Variants in ARHGAP39 observed in about 807,000 individuals in gnomAD.
The protein encoded by ARHGAP39 is rho GTPase-activating protein 39.
ARHGAP39 carries 44 observed loss-of-function variants against 106.9 expected under a neutral mutation model. The ratio of observed to expected loss-of-function variants is 0.41; its 90% CI spans 0.32 to 0.53. ARHGAP39 has a LOEUF of 0.53. Ranked by LOEUF, ARHGAP39 falls within the 20% of genes least tolerant of loss-of-function variation. ARHGAP39 has a pLI of 0.21. For synonymous variants in ARHGAP39, 768 were observed against 693.2 expected, an observed-to-expected ratio of 1.11 and a Z score of -1.69; for missense variants, 1,496 against 1,577.3, an observed-to-expected ratio of 0.95 and a Z score of 0.87.
intron 3 of ARHGAP39, among the ~76,000 whole-genome samples, chr8:144,559,264 A>G (rs1818055345): frequency 6.8e-6 from 1 of 147,898 alleles, no homozygotes; most frequent in African/African-American, 2.5e-5. Context: ...GCCTGTGGTC[A>G]CAGTATCAGG....
At chr8:144,583,171 G>A (rs1342028942) in intron 2 of ARHGAP39, among the ~76,000 whole-genome samples, 1 of 152,174 alleles carries the variant, frequency 6.6e-6, no homozygotes, top group African/African-American at 2.4e-5. Context: ...GCCCACAGTG[G>A]GTCCCCCAGT....
chr8:144,575,863 G>A (rs866073383), intron 3 of ARHGAP39, among the ~76,000 whole-genome samples: 2 of 152,090 alleles, frequency 1.3e-5, no homozygotes, highest in Non-Finnish European at 2.9e-5. Flanking sequence ...TTGCGAGTAC[G>A]GTGTTGCACA....
At chr8:144,583,874 T>A (rs545503526) in intron 2 of ARHGAP39, among the ~76,000 whole-genome samples, 2 of 152,352 alleles carry the variant, frequency 1.3e-5, no homozygotes, top group African/African-American at 4.8e-5. Context: ...TCTTTCCAAG[T>A]GTCCAGTTTT....
chr8:144,617,553 C>T (rs1820669955), intron 1 of ARHGAP39, among the ~76,000 whole-genome samples: 2 of 151,582 alleles, frequency 1.3e-5, no homozygotes, highest in Admixed American at 6.6e-5. Context: ...GAGAGCCCAG[C>T]CTTGGCCCCA....
intron 2 of ARHGAP39, among the ~76,000 whole-genome samples, chr8:144,592,339 C>G (rs1367736241): frequency 8.0e-6 from 1 of 124,794 alleles, no homozygotes; most frequent in African/African-American, 3.2e-5. Context: ...TGGGGGACAG[C>G]ACTGAGCCCA....
chr8:144,554,906 C>T (rs991868721), intron 4 of ARHGAP39, among the ~76,000 whole-genome samples: 19 of 152,258 alleles, frequency 1.2e-4, no homozygotes, highest in African/African-American at 4.3e-4. Flanking sequence ...AGTTCCTCCC[C>T]AGCACCACAG....
intron 1 of ARHGAP39, among the ~76,000 whole-genome samples, chr8:144,611,371 C>T (rs187524111): frequency 3.9e-5 from 6 of 152,296 alleles, no homozygotes; most frequent in Middle Eastern, 3.4e-3. Flanking sequence ...TAAAGCCAAT[C>T]GGATCAGGCT....
intron 1 of ARHGAP39, among the ~76,000 whole-genome samples, chr8:144,615,947 C>T (rs1285551298): frequency 1.3e-5 from 2 of 152,216 alleles, no homozygotes; most frequent in Non-Finnish European, 2.9e-5. Flanking sequence ...GAGCTGTGAC[C>T]CAGCCCATCA....
At chr8:144,676,743 C>T (rs924223722) in intron 1 of ARHGAP39, among the ~76,000 whole-genome samples, 3 of 152,222 alleles carry the variant, frequency 2.0e-5, no homozygotes, top group Non-Finnish European at 4.4e-5. Flanking sequence ...CTCCCGCCCA[C>T]GCCTCTCCCT....
At chr8:144,648,871 C>A (rs1380265014) in intron 1 of ARHGAP39, among the ~76,000 whole-genome samples, 1 of 151,766 alleles carries the variant, frequency 6.6e-6, no homozygotes, top group East Asian at 1.9e-4. Context: ...GAGGGAAATT[C>A]ATAGCACTAA....
chr8:144,579,954 C>G (rs1818908519), intron 3 of ARHGAP39, among the ~76,000 whole-genome samples: 1 of 152,104 alleles, frequency 6.6e-6, no homozygotes. Flanking sequence ...AGCCTGGGCT[C>G]TGGGAAGCCC....
chr8:144,555,784 C>A (rs2130858500), intron 3 of ARHGAP39, 141 bp from the exon 4 acceptor site: 3 of 727,386 alleles, frequency 4.1e-6, no homozygotes, highest in South Asian at 1.6e-5. Flanking sequence ...CTGTATTCTT[C>A]ATCTTCTGCC....
chr8:144,646,499 T>C lies in ARHGAP39; in HGVS notation c.-82+39187A>G, dbSNP rs1821447702. Among the ~76,000 whole-genome samples, 1 of 149,790 alleles carries C rather than the reference T, an allele frequency of 6.7e-6. No homozygotes were observed. The highest frequency in any genetic ancestry group is 2.2e-4 in the South Asian group (1 of 4,594). ...GGAGAAAATAGAAAGAAATGAGGAATAGCAGGGACACCAAAAGACAGGAGG... is the reference window on the plus strand; with the variant it reads ...GGAGAAAATAGAAAGAAATGAGGAACAGCAGGGACACCAAAAGACAGGAGG... On this transcript the variant is annotated intron_variant, in intron 1 of 11. Coordinates refer to ENST00000377307, the MANE Select transcript of ARHGAP39 (RefSeq NM_025251.3). This position sits in a 1 kb window ranked among gnomAD's most constrained non-coding sequence, Gnocchi z 5.7.
chr8:144,587,801 C>T (rs903798417), intron 2 of ARHGAP39, among the ~76,000 whole-genome samples: 5 of 152,110 alleles, frequency 3.3e-5, no homozygotes, highest in Admixed American at 6.5e-5. Context: ...ATTACAGGCA[C>T]GTGCCACCAC....
rs1238566063 is a variant in ARHGAP39 at position 144,645,530 on chromosome 8, C to T, written c.-81-39835G>A. On this transcript the variant is annotated intron_variant, in intron 1 of 11. Transcript: ENST00000377307. The surrounding 1 kb of genome is among the most constrained non-coding windows in gnomAD (Gnocchi z 4.4). The stretch of plus-strand genomic sequence containing the variant: ...GAGCCTCCCCGCCTCACTCTGGTCT[C>T]TCCTGGCAGAGTCACTGAAGGGCTC... Among the ~76,000 whole-genome samples, 1 of 151,608 alleles carries T rather than the reference C, an allele frequency of 6.6e-6. No individual in the cohort carries two copies. The highest frequency in any genetic ancestry group is 1.5e-5 in the Non-Finnish European group (1 of 67,840).
rs776910819 is a variant in ARHGAP39, at chr8:144,545,687, C to T, written c.2083G>A (p.Glu695Lys). The change falls in exon 6 of 12, where the codon GAG becomes AAG. Residue 695 changes from glutamate (E) to lysine (K), a missense_variant. This residue lies in a region of ARHGAP39 where 470 missense variants were observed against 605.1 expected (regional missense o/e 0.78). Transcript: ENST00000377307. Reference protein sequence around the residue: ...LRKPSSETDIENWASKHFNKH... With the variant: ...LRKPSSETDIKNWASKHFNKH... ...TTGAAGTGCTTGGAGGCCCAGTTCT[C>T]GATGTCCGTCTCCGAGGAGGGCTTG... 34 of 1,613,234 alleles carry T rather than the reference C, an allele frequency of 2.1e-5. No homozygotes were observed. The highest frequency in any genetic ancestry group is 6.7e-5 in the African/African-American group (5 of 74,942).
intron 1 of ARHGAP39, among the ~76,000 whole-genome samples, chr8:144,683,719 T>C (rs1822491449): frequency 6.6e-6 from 1 of 152,128 alleles, no homozygotes; most frequent in Admixed American, 6.6e-5. Flanking sequence ...TGTCTCTCTT[T>C]TACCTTTATA....
chr8:144,640,295 T>C (rs988596243), intron 1 of ARHGAP39, among the ~76,000 whole-genome samples: 19 of 152,218 alleles, frequency 1.2e-4, no homozygotes, highest in Non-Finnish European at 2.1e-4. Flanking sequence ...TCTCATTTTG[T>C]AGCTCCCATA....
rs187160747 is a variant in ARHGAP39 at position 144,601,277 on chromosome 8, T to C, written c.80+4258A>G. 4.4e-3 allele frequency among the ~76,000 whole-genome samples: 627 copies of C among 143,822 alleles called. 3 individuals are homozygous for C. Among genetic ancestry groups the C allele is most frequent in the African/African-American group, 0.015 (578 of 38,446 alleles). 94.4% of individuals were successfully genotyped at this position (143,822 alleles called of 152,430 possible). A position where few individuals can be genotyped will look rare whatever the true frequency, so the allele number is the denominator to read the frequency against. ...GTGTGTGCTCGTGAACCTGTGTGTG[T>C]GCATGGAGGCATGCGTGCGTGCTCA... On this transcript the variant is annotated intron_variant, in intron 2 of 11. Coordinates refer to ENST00000377307, the MANE Select transcript of ARHGAP39 (RefSeq NM_025251.3).
Sources: gnomAD v4.1 joint callset for allele counts (sites outside exome capture counted in the v4.1 genomes callset) on GRCh38, gnomAD v4.1.1 for gene constraint, gnomAD v4.1.1 regional missense constraint, Gnocchi (gnomAD v3.1) non-coding constraint, MANE v1.5 for transcripts, NCBI Gene and HGNC (gene_info 2026-07-23, HGNC 2026-07-21) for gene names.